PREX2: variants seen among roughly 807,000 people sequenced by gnomAD.
The protein encoded by PREX2 is phosphatidylinositol-3,4,5-trisphosphate dependent Rac exchange factor 2, also known as phosphatidylinositol 3,4,5-trisphosphate-dependent Rac exchanger 2 protein.
In PREX2, 107 loss-of-function variants were observed where a neutral mutation model predicts 203.2. That is an observed-to-expected ratio of 0.53 (90% CI 0.45 to 0.62). The LOEUF (loss-of-function observed/expected upper bound fraction) is 0.62. PREX2 is among the 20% of genes least tolerant of loss of function. The pLI, the probability that PREX2 is intolerant of heterozygous loss-of-function variation, is 0.00. For missense variants in PREX2, 1,777 were observed against 1,955.9 expected (o/e 0.91, Z 1.72); for synonymous variants, 672 against 663.6 (o/e 1.01, Z -0.19).
intron 11 of PREX2, among the ~76,000 whole-genome samples, chr8:68,065,213 C>T (rs1808980598): frequency 6.6e-6 from 1 of 152,176 alleles, no homozygotes; most frequent in Non-Finnish European, 1.5e-5. Context: ...ATAGGTTAGA[C>T]TACCACTTGT....
intron 37 of PREX2, among the ~76,000 whole-genome samples, chr8:68,199,805 A>G (rs1006333922): frequency 6.6e-6 from 1 of 152,200 alleles, no homozygotes; most frequent in Non-Finnish European, 1.5e-5. Flanking sequence ...CAAAGGACAA[A>G]TTGACAAATA....
At chr8:68,042,719 A>G (rs1392887086) in intron 7 of PREX2, among the ~76,000 whole-genome samples, 2 of 152,088 alleles carry the variant, frequency 1.3e-5, no homozygotes, top group East Asian at 3.9e-4. Flanking sequence ...TTTTCAAACT[A>G]TAGGCTTTTC....
chr8:68,027,345 T>G (rs1321504934), intron 5 of PREX2, 22 bp downstream of exon 5: 1 of 1,376,252 alleles, frequency 7.3e-7, no homozygotes, highest in East Asian at 2.3e-5. Context: ...GCTACCTCAT[T>G]GTAGCCATTT....
intron 35 of PREX2, among the ~76,000 whole-genome samples, chr8:68,161,422 G>A (rs750643157): frequency 1.3e-5 from 2 of 152,108 alleles, no homozygotes; most frequent in South Asian, 4.2e-4. Flanking sequence ...GCAGAACAAT[G>A]CTCTAAGAAA....
At chr8:68,131,646 A>G (rs1309408006) in intron 31 of PREX2, among the ~76,000 whole-genome samples, 1 of 152,220 alleles carries the variant, frequency 6.6e-6, no homozygotes, top group Non-Finnish European at 1.5e-5. Flanking sequence ...TTAAATGCAA[A>G]TAGTATATAG....
chr8:68,194,063 C>T (rs2129614719), intron 37 of PREX2, among the ~76,000 whole-genome samples: 1 of 152,292 alleles, frequency 6.6e-6, no homozygotes, highest in African/African-American at 2.4e-5. Context: ...TCATCTGTAT[C>T]TGAGTGGATC....
At chr8:68,017,373 C>G (rs974647431) in intron 1 of PREX2, among the ~76,000 whole-genome samples, 1 of 152,056 alleles carries the variant, frequency 6.6e-6, no homozygotes, top group Non-Finnish European at 1.5e-5. Context: ...GGATAGCTAT[C>G]TATCTATCTA....
At chr8:68,015,210 ATT>A (rs933564793) in intron 1 of PREX2, among the ~76,000 whole-genome samples, 4 of 152,214 alleles carry the variant, frequency 2.6e-5, no homozygotes, top group African/African-American at 9.6e-5. Context: ...TGATTTTGAA[ATT>A]ACCTATTTAT....
At position 68,185,333 on chromosome 8, in the gene PREX2, T is replaced by C. The variant is rs534918290; in HGVS notation, c.4347-6389T>C. On this transcript the variant is annotated intron_variant, in intron 35 of 39. Transcript: ENST00000288368. ...CTACTTAGCCAGCCTTCTCTCTCTC[T>C]CTACCTTACATGAACCCAGTCTTCA... is the stretch of plus-strand genomic sequence containing the variant. Among the ~76,000 whole-genome samples the C allele has an allele frequency of 1.9e-4, 29 of 152,340 alleles. No homozygotes were observed. In the East Asian group the frequency reaches 5.6e-3, roughly 29 times the overall value.
chr8:68,062,211 C>G (rs1457072641), intron 11 of PREX2, among the ~76,000 whole-genome samples: 1 of 152,088 alleles, frequency 6.6e-6, no homozygotes, highest in Non-Finnish European at 1.5e-5. Context: ...CTTTCAGCAT[C>G]CTTACCTTTT....
chr8:68,098,706 T>C (rs1810163006), intron 22 of PREX2, among the ~76,000 whole-genome samples: 1 of 141,550 alleles, frequency 7.1e-6, no homozygotes, highest in Non-Finnish European at 1.6e-5. Context: ...AAGAAAGAAA[T>C]GTAGCCAAGG....
Position 68,218,518 on chromosome 8 carries a change from T to C in PREX2, c.4707+800T>C, listed in dbSNP as rs1023654978. The stretch of plus-strand genomic sequence containing the variant: ...TTTGGGCTACCACAAGAAATTGATT[T>C]AACAAATTTCTCTACTTGCTGACTT... On this transcript the variant is annotated intron_variant, in intron 38 of 39. Coordinates refer to ENST00000288368, the MANE Select transcript of PREX2 (RefSeq NM_024870.4). Among the ~76,000 whole-genome samples the C allele has an allele frequency of 2.0e-5, 3 of 152,346 alleles. No homozygotes were observed. In the South Asian group the frequency reaches 6.2e-4, roughly 32 times the overall value.
intron 37 of PREX2, among the ~76,000 whole-genome samples, chr8:68,215,998 G>C (rs577984583): frequency 6.6e-6 from 1 of 152,262 alleles, no homozygotes; most frequent in East Asian, 1.9e-4. Context: ...ACTTAATGAT[G>C]AAACTTGAAC....
intron 1 of PREX2, among the ~76,000 whole-genome samples, chr8:67,958,821 G>A (rs1805556556): frequency 1.3e-5 from 2 of 152,160 alleles, no homozygotes; most frequent in Non-Finnish European, 1.5e-5. Context: ...GACTAGATGG[G>A]TAGTGTCATT....
rs376546137 is a variant in PREX2 at position 68,111,744 on chromosome 8, A to G, written c.3146+2121A>G. 3.9e-5 allele frequency among the ~76,000 whole-genome samples: 6 copies of G among 152,326 alleles called. No homozygotes were observed. In the East Asian group the frequency reaches 1.2e-3, roughly 29 times the overall value. On this transcript the variant is annotated intron_variant, in intron 25 of 39. Coordinates refer to ENST00000288368, the MANE Select transcript of PREX2 (RefSeq NM_024870.4). ...ATGTGCAATATAATCCCTGTAAAAC[A>G]GTACAATTATTTTAAGTGCCTGGAT...
At chr8:67,999,369 A>C (rs571294454) in intron 1 of PREX2, among the ~76,000 whole-genome samples, 1 of 150,910 alleles carries the variant, frequency 6.6e-6, no homozygotes. Context: ...GAGATGGATA[A>C]ATTCTTGGAC....
In PREX2 at chr8:68,193,332, C is replaced by T. The variant is rs187713175; in HGVS notation, c.4604+807C>T. Reference sequence around the variant, plus strand: ...CTTCTATTTATTTATTTTTATCATACTTTAAGTTCTGGGGTACATGCACAG... The same window carrying T: ...CTTCTATTTATTTATTTTTATCATATTTTAAGTTCTGGGGTACATGCACAG... On this transcript the variant is annotated intron_variant, in intron 37 of 39. Transcript: ENST00000288368. Among the ~76,000 whole-genome samples the T allele has an allele frequency of 2.0e-3, 300 of 152,302 alleles. 2 individuals are homozygous for T. Among genetic ancestry groups the T allele is most frequent in the African/African-American group, 7.0e-3 (292 of 41,560 alleles).
intron 1 of PREX2, among the ~76,000 whole-genome samples, chr8:67,979,200 G>A (rs762196398): frequency 2.0e-5 from 3 of 152,136 alleles, no homozygotes; most frequent in Non-Finnish European, 4.4e-5. Context: ...TCACTTGTTA[G>A]GATAGAAGTA....
chr8:68,235,006 C>T lies in PREX2; in HGVS notation c.*3628C>T, dbSNP rs961997647. On this transcript the variant is annotated 3_prime_UTR_variant, in exon 40 of 40. Coordinates refer to ENST00000288368, the MANE Select transcript of PREX2 (RefSeq NM_024870.4). ...TTAATTTAACAAAACACACTATTTT[C>T]AGTCCTTTGGGCTTGTACATTTTAT... 2.6e-5 allele frequency: 4 copies of T among 152,080 alleles called. No individual in the cohort carries two copies. Among genetic ancestry groups the T allele is most frequent in the Non-Finnish European group, 5.9e-5 (4 of 67,994 alleles). 9.4% of individuals were successfully genotyped at this position (152,080 alleles called of 1,614,324 possible). A position where few individuals can be genotyped will look rare whatever the true frequency, so the allele number is the denominator to read the frequency against.
Sources: allele counts gnomAD v4.1 joint callset (sites outside exome capture counted in the v4.1 genomes callset), GRCh38; gene constraint gnomAD v4.1.1; transcripts MANE v1.5; gene names NCBI Gene and HGNC (gene_info 2026-07-23, HGNC 2026-07-21).